The following GPHN variants were observed in gnomAD, a reference collection of about 807,000 sequenced individuals.
GPHN encodes the protein gephyrin.
GPHN carries 17 observed loss-of-function variants against 95.5 expected under a neutral mutation model. That is an observed-to-expected ratio of 0.18 (90% CI 0.12 to 0.27). GPHN has a LOEUF of 0.27. Among genes scored for constraint, GPHN ranks in the 10% least tolerant of loss-of-function variants. The probability of loss-of-function intolerance (pLI) is 1.00; values close to 1 mark genes in which losing one functional copy is unlikely to be tolerated. For missense variants in GPHN, 660 were observed against 978.1 expected (o/e 0.67, Z 4.34); for synonymous variants, 320 against 322.5 (o/e 0.99, Z 0.08).
In GPHN at chr14:66,748,508, A is replaced by C. The variant is rs554978411; in HGVS notation, c.144-27956A>C. ...CAGAGTGGTATATTTGTTGCCATTGAAGCTACATTGACGTATCATTATTAC... is the reference window on the plus strand; with the variant it reads ...CAGAGTGGTATATTTGTTGCCATTGCAGCTACATTGACGTATCATTATTAC... On this transcript the variant is annotated intron_variant, in intron 2 of 22. Transcript: ENST00000478722. 3.6e-3 allele frequency among the ~76,000 whole-genome samples: 541 copies of C among 152,044 alleles called. 8 individuals are homozygous for C. The highest frequency in any genetic ancestry group is 0.012 in the African/African-American group (515 of 41,524).
At chr14:66,955,506 T>C (rs1233350115) in intron 8 of GPHN, among the ~76,000 whole-genome samples, 1 of 152,182 alleles carries the variant, frequency 6.6e-6, no homozygotes, top group Non-Finnish European at 1.5e-5. Flanking sequence ...TGAATCTTTT[T>C]CTCTTTTTGT....
intron 17 of GPHN, 73 bp from the exon 18 acceptor site, chr14:67,143,289 G>A: frequency 1.1e-6 from 1 of 896,854 alleles, no homozygotes; most frequent in African/African-American, 1.6e-5. Context: ...ATAAGGCGAT[G>A]TAGTTTTAAG....
chr14:66,837,612 T>G (rs866451244), intron 4 of GPHN, among the ~76,000 whole-genome samples: 1 of 126,878 alleles, frequency 7.9e-6, no homozygotes, highest in African/African-American at 3.7e-5. Context: ...AATAAATAAA[T>G]AAAAATAAAT....
At chr14:66,787,974 T>C (rs1302857564) in intron 3 of GPHN, among the ~76,000 whole-genome samples, 1 of 151,858 alleles carries the variant, frequency 6.6e-6, no homozygotes, top group South Asian at 2.1e-4. Flanking sequence ...GTTCATACAA[T>C]GTAAATTTCA....
the GPHN span, among the ~76,000 whole-genome samples, chr14:67,388,609 G>GA: frequency 6.6e-6 from 1 of 152,120 alleles, no homozygotes; most frequent in Non-Finnish European, 1.5e-5. Flanking sequence ...ATGCTACCCG[G>GA]AAAAACATTC....
the GPHN span, among the ~76,000 whole-genome samples, chr14:67,553,083 CT>C: frequency 4.1e-4 from 63 of 152,342 alleles, no homozygotes; most frequent in South Asian, 1.0e-3. Flanking sequence ...TTATCCTTTA[CT>C]CCACCTTGGT....
chr14:66,959,763 A>G (rs2068773309), intron 8 of GPHN, among the ~76,000 whole-genome samples: 1 of 151,910 alleles, frequency 6.6e-6, no homozygotes, highest in Non-Finnish European at 1.5e-5. Flanking sequence ...GTGTGCATTC[A>G]TGTCTTTCAT....
the GPHN span, among the ~76,000 whole-genome samples, chr14:67,701,425 CTTTTTTTTTTTT>C: frequency 4.2e-5 from 3 of 71,128 alleles, no homozygotes; most frequent in African/African-American, 9.6e-5. Context: ...ATTATAATTT[CTTTTTTTTTTTT>C]TTTTTTTTTT....
At chr14:66,702,457 G>A (rs2068645387) in intron 2 of GPHN, among the ~76,000 whole-genome samples, 1 of 152,164 alleles carries the variant, frequency 6.6e-6, no homozygotes, top group African/African-American at 2.4e-5. Context: ...ACCCATCTTT[G>A]CTGTTCTCCA....
chr14:67,092,523 T>G (rs969582215), intron 12 of GPHN, among the ~76,000 whole-genome samples: 1 of 152,150 alleles, frequency 6.6e-6, no homozygotes, highest in Non-Finnish European at 1.5e-5. Flanking sequence ...TAACTTGCTC[T>G]GGATCACTAA....
the GPHN span, chr14:67,646,781 C>T: frequency 6.5e-7 from 1 of 1,526,966 alleles, no homozygotes; most frequent in Non-Finnish European, 9.1e-7. Context: ...CTGTCCTAGC[C>T]AATTATGTTC....
the GPHN span, chr14:67,725,355 C>A: frequency 7.4e-6 from 9 of 1,218,180 alleles, no homozygotes; most frequent in South Asian, 1.3e-5. Flanking sequence ...CCATCATCCA[C>A]CCCACTAGAC....
chr14:66,724,024 CAG>C (rs1454233627), intron 2 of GPHN, among the ~76,000 whole-genome samples: 16 of 148,424 alleles, frequency 1.1e-4, no homozygotes, highest in African/African-American at 3.7e-4. Context: ...CACACACAAA[CAG>C]ATTCAAATAA....
chr14:67,374,083 A>T, the GPHN span, among the ~76,000 whole-genome samples: 10 of 152,190 alleles, frequency 6.6e-5, no homozygotes, highest in African/African-American at 2.2e-4. Flanking sequence ...AACAATTCAG[A>T]ATCTCTCATC....
the GPHN span, chr14:67,454,055 T>C: frequency 3.3e-5 from 5 of 152,386 alleles, no homozygotes; most frequent in African/African-American, 9.6e-5. Context: ...ACTCTTTGGG[T>C]TAAAAGCCTC....
intron 4 of GPHN, among the ~76,000 whole-genome samples, chr14:66,839,093 A>G (rs1267411412): frequency 1.3e-5 from 2 of 152,254 alleles, no homozygotes; most frequent in Non-Finnish European, 2.9e-5. Flanking sequence ...TTAGATATTT[A>G]TTAATGGCAC....
chr14:66,772,987 T>C (rs1350487137), intron 2 of GPHN, among the ~76,000 whole-genome samples: 7 of 152,258 alleles, frequency 4.6e-5, no homozygotes, highest in South Asian at 2.1e-4. Context: ...GACTTTTTTT[T>C]CCCCCTTCTT....
intron 8 of GPHN, among the ~76,000 whole-genome samples, chr14:66,943,390 C>T (rs10136026): frequency 0.32 from 49,349 of 151,982 alleles, 12,777 homozygotes; most frequent in African/African-American, 0.7. Context: ...GCTGCCAAGG[C>T]TTAACTCCTT....
At chr14:67,192,424 G>T in the GPHN span, among the ~76,000 whole-genome samples, 1 of 150,810 alleles carries the variant, frequency 6.6e-6, no homozygotes, top group South Asian at 2.1e-4. Context: ...ATGTATTTTT[G>T]AGTCACCAAA....
Sources: gnomAD v4.1 joint callset for allele counts (sites outside exome capture counted in the v4.1 genomes callset) on GRCh38, gnomAD v4.1.1 for gene constraint, MANE v1.5 for transcripts, NCBI Gene and HGNC (gene_info 2026-07-23, HGNC 2026-07-21) for gene names.